The following CTXN1 variants were observed in gnomAD, a reference collection of about 807,000 sequenced individuals.
CTXN1 encodes cortexin-1.
A neutral mutation model predicts 5.5 loss-of-function variants in CTXN1; 4 were observed. The ratio of observed to expected loss-of-function variants is 0.73; its 90% CI spans 0.36 to 1.68. The LOEUF (loss-of-function observed/expected upper bound fraction) is 1.68. Among genes scored for constraint, CTXN1 ranks in the 40% most tolerant of loss-of-function variants. The probability of loss-of-function intolerance (pLI) is 0.05; values close to 1 mark genes in which losing one functional copy is unlikely to be tolerated. For missense variants in CTXN1, 111 were observed against 123.0 expected (o/e 0.90, Z 0.46); for synonymous variants, 67 against 62.8 (o/e 1.07, Z -0.32).
chr19:7,925,158 C>T lies in CTXN1; in HGVS notation c.*132G>A. ...GGGGGAGGGGCTGGGCTTCTCCCAA[C>T]TCCCTCCCCCTCTCCCCCGGGCTGG... On this transcript the variant is annotated 3_prime_UTR_variant, in exon 2 of 2. Transcript: ENST00000318978. This position sits in a 1 kb window ranked among gnomAD's most constrained non-coding sequence, Gnocchi z 5.0. The T allele has an allele frequency of 1.6e-6, 1 of 639,674 alleles. No individual in the cohort carries two copies. Among genetic ancestry groups the T allele is most frequent in the Non-Finnish European group, 2.2e-6 (1 of 446,974 alleles). The allele number at this position is 639,674 out of a possible 1,614,324, so 39.6% of individuals were successfully genotyped here. A position where few individuals can be genotyped will look rare whatever the true frequency, so the allele number is the denominator to read the frequency against.
rs1983725553 is a variant in CTXN1 at position 7,924,853 on chromosome 19, AGGAC to A, written c.*433_*436del. 6.5e-6 allele frequency: 1 copy of A among 154,422 alleles called. No homozygotes were observed. The highest frequency in any genetic ancestry group is 6.5e-5 in the Admixed American group (1 of 15,358). The allele number at this position is 154,422 out of a possible 1,614,324, so 9.6% of individuals were successfully genotyped here. On this transcript the variant is annotated 3_prime_UTR_variant, in exon 2 of 2. Coordinates refer to ENST00000318978, the MANE Select transcript of CTXN1 (RefSeq NM_206833.4). ...CCTGCCCCGCAGGGACCAGAGCCCA[AGGAC>A]GGGCTCAACACTCAGTCAAGGTGGG...
rs1983764547 is a variant in CTXN1, at chr19:7,925,724, C to T, written c.-20-166G>A. Among the ~76,000 whole-genome samples the T allele has an allele frequency of 6.6e-6, 1 of 151,490 alleles. No homozygotes were observed. Among genetic ancestry groups the T allele is most frequent in the African/African-American group, 2.4e-5 (1 of 41,360 alleles). On this transcript the variant is annotated intron_variant, in intron 1 of 1. Coordinates refer to ENST00000318978, the MANE Select transcript of CTXN1 (RefSeq NM_206833.4). This position sits in a 1 kb window ranked among gnomAD's most constrained non-coding sequence, Gnocchi z 5.0. ...GTCCCCGGGCTACGCCCATGCCCGG[C>T]CCGCCGGATCGCCGCCACCACCACG...
rs910368284 is a variant in CTXN1, at chr19:7,925,745, C to T, written c.-20-187G>A. On this transcript the variant is annotated intron_variant, in intron 1 of 1. Transcript: ENST00000318978. This position sits in a 1 kb window ranked among gnomAD's most constrained non-coding sequence, Gnocchi z 5.0. Reference sequence around the variant, plus strand: ...CCGGCCCGCCGGATCGCCGCCACCACCACGCGGGGACCCAACTCTGGCCGT... The same window carrying T: ...CCGGCCCGCCGGATCGCCGCCACCATCACGCGGGGACCCAACTCTGGCCGT... Among the ~76,000 whole-genome samples the T allele has an allele frequency of 1.3e-5, 2 of 151,582 alleles. No homozygotes were observed. Among genetic ancestry groups the T allele is most frequent in the African/African-American group, 2.4e-5 (1 of 41,384 alleles).
chr19:7,924,932 C>T lies in CTXN1; in HGVS notation c.*358G>A, dbSNP rs972221471. The stretch of plus-strand genomic sequence containing the variant: ...GAGGGAGGAGGGACAAGGGGGTCCC[C>T]ACTTCCAGGGACGCACAATAGCAGA... On this transcript the variant is annotated 3_prime_UTR_variant, in exon 2 of 2. Coordinates refer to ENST00000318978, the MANE Select transcript of CTXN1 (RefSeq NM_206833.4). 13 of 177,812 alleles carry T rather than the reference C, an allele frequency of 7.3e-5. No individual in the cohort carries two copies. The Admixed American group carries it at 7.6e-4, about 10-fold the overall frequency. 11.0% of individuals were successfully genotyped at this position (177,812 alleles called of 1,614,324 possible). A position where few individuals can be genotyped will look rare whatever the true frequency, so the allele number is the denominator to read the frequency against.
chr19:7,925,996 G>A lies in CTXN1; in HGVS notation c.-50C>T, dbSNP rs570208991. 7.8e-4 allele frequency: 117 copies of A among 150,026 alleles called. 1 individual carries two copies. Among genetic ancestry groups the A allele is most frequent in the Middle Eastern group, 3.4e-3 (1 of 292 alleles). 9.3% of individuals were successfully genotyped at this position (150,026 alleles called of 1,614,324 possible). ...GCTTCGACCCGGACGGGGACCGACC[G>A]CCCGGCGGCCGCGCTCTCTCAGGGA... On this transcript the variant is annotated 5_prime_UTR_variant, in exon 1 of 2. Transcript: ENST00000318978. The surrounding 1 kb of genome is among the most constrained non-coding windows in gnomAD (Gnocchi z 5.0).
chr19:7,925,256 C>A lies in CTXN1; in HGVS notation c.*34G>T. On this transcript the variant is annotated 3_prime_UTR_variant, in exon 2 of 2. Transcript: ENST00000318978. This position sits in a 1 kb window ranked among gnomAD's most constrained non-coding sequence, Gnocchi z 5.0. The stretch of plus-strand genomic sequence containing the variant: ...CCCGCCGGGCCGGCCCTCTGAGACC[C>A]CGGCGCAGGGCCGGCTAGGGGGCGC... The A allele has an allele frequency of 7.8e-7, 1 of 1,287,700 alleles. No individual in the cohort carries two copies. Among genetic ancestry groups the A allele is most frequent in the Admixed American group, 4.0e-5 (1 of 25,048 alleles). The allele number at this position is 1,287,700 out of a possible 1,614,324, so 79.8% of individuals were successfully genotyped here.
In CTXN1 at chr19:7,924,949, A is replaced by G. The variant is rs1320375502; in HGVS notation, c.*341T>C. On this transcript the variant is annotated 3_prime_UTR_variant, in exon 2 of 2. Coordinates refer to ENST00000318978, the MANE Select transcript of CTXN1 (RefSeq NM_206833.4). ...GGGGTCCCCACTTCCAGGGACGCAC[A>G]ATAGCAGAGCCACTTACACGCTGGG... The G allele has an allele frequency of 1.0e-5, 2 of 194,152 alleles. No homozygotes were observed. Among genetic ancestry groups the G allele is most frequent in the African/African-American group, 2.3e-5 (1 of 43,058 alleles). The allele number at this position is 194,152 out of a possible 1,614,324, so 12.0% of individuals were successfully genotyped here. A position where few individuals can be genotyped will look rare whatever the true frequency, so the allele number is the denominator to read the frequency against.
Position 7,925,122 on chromosome 19 carries a change from A to C in CTXN1, c.*168T>G, listed in dbSNP as rs1287558877. 7 of 423,876 alleles carry C rather than the reference A, an allele frequency of 1.7e-5. No individual in the cohort carries two copies. The highest frequency in any genetic ancestry group is 2.8e-5 in the Non-Finnish European group (7 of 254,084). The allele number at this position is 423,876 out of a possible 1,614,324, so 26.3% of individuals were successfully genotyped here. On this transcript the variant is annotated 3_prime_UTR_variant, in exon 2 of 2. Coordinates refer to ENST00000318978, the MANE Select transcript of CTXN1 (RefSeq NM_206833.4). The surrounding 1 kb of genome is among the most constrained non-coding windows in gnomAD (Gnocchi z 5.0). Reference sequence around the variant, plus strand: ...CGGCCAGGCCAGGAAGGGACATGGGAGGGGTCTCGAGGGGGAGGGGCTGGG... The same window carrying C: ...CGGCCAGGCCAGGAAGGGACATGGGCGGGGTCTCGAGGGGGAGGGGCTGGG...
chr19:7,925,225 G>A lies in CTXN1; in HGVS notation c.*65C>T. 3.3e-6 allele frequency: 4 copies of A among 1,214,120 alleles called. No individual in the cohort carries two copies. Among genetic ancestry groups the A allele is most frequent in the Admixed American group, 4.3e-5 (1 of 23,364 alleles). The allele number at this position is 1,214,120 out of a possible 1,614,324, so 75.2% of individuals were successfully genotyped here. On this transcript the variant is annotated 3_prime_UTR_variant, in exon 2 of 2. Transcript: ENST00000318978. This position sits in a 1 kb window ranked among gnomAD's most constrained non-coding sequence, Gnocchi z 5.0. ...TCCTGAGCGCAGTCCTGGCCCCGCG[G>A]CGCCCCCCGCCGGGCCGGCCCTCTG...
In CTXN1 at chr19:7,925,478, C is replaced by T; in HGVS notation, c.61G>A (p.Gly21Ser). ...CGCTGCTCCGCGTCCAGGCCCGCGC[C>T]CACCGGGGGCCCCGTCGACGGCGGC... ...PLPPSTGPPV[G>S]AGLDAEQRTV... is the part of the protein sequence containing the mutation. The change falls in exon 2 of 2, where the codon GGC (glycine) becomes AGC (serine). Residue 21 changes from glycine to serine, a missense_variant. Physicochemically the swap from Gly to Ser is moderately conservative, Grantham distance 56. Coordinates refer to ENST00000318978, the MANE Select transcript of CTXN1 (RefSeq NM_206833.4). The surrounding 1 kb of genome is among the most constrained non-coding windows in gnomAD (Gnocchi z 5.0). 1 of 1,555,826 alleles carries T rather than the reference C, an allele frequency of 6.4e-7. No homozygotes were observed. The highest frequency in any genetic ancestry group is 8.6e-7 in the Non-Finnish European group (1 of 1,158,764).
Position 7,924,885 on chromosome 19 carries a change from T to TGAC in CTXN1, c.*402_*404dup, listed in dbSNP as rs1983726650. 6.3e-6 allele frequency: 1 copy of TGAC among 157,732 alleles called. No individual in the cohort carries two copies. Among genetic ancestry groups the TGAC allele is most frequent in the Non-Finnish European group, 1.4e-5 (1 of 72,024 alleles). The allele number at this position is 157,732 out of a possible 1,614,324, so 9.8% of individuals were successfully genotyped here. A position where few individuals can be genotyped will look rare whatever the true frequency, so the allele number is the denominator to read the frequency against. ...GCTCAACACTCAGTCAAGGTGGGGT[T>TGAC]GACGACGGCCAGACAACAGGGGAGG... On this transcript the variant is annotated 3_prime_UTR_variant, in exon 2 of 2. Transcript: ENST00000318978.
In CTXN1 at chr19:7,925,233, C is replaced by T; in HGVS notation, c.*57G>A. 1.6e-6 allele frequency: 2 copies of T among 1,245,298 alleles called. No homozygotes were observed. Among genetic ancestry groups the T allele is most frequent in the Non-Finnish European group, 1.0e-6 (1 of 993,282 alleles). The allele number at this position is 1,245,298 out of a possible 1,614,324, so 77.1% of individuals were successfully genotyped here. A position where few individuals can be genotyped will look rare whatever the true frequency, so the allele number is the denominator to read the frequency against. On this transcript the variant is annotated 3_prime_UTR_variant, in exon 2 of 2. Transcript: ENST00000318978. This position sits in a 1 kb window ranked among gnomAD's most constrained non-coding sequence, Gnocchi z 5.0. ...GCAGTCCTGGCCCCGCGGCGCCCCC[C>T]GCCGGGCCGGCCCTCTGAGACCCCG... is the stretch of plus-strand genomic sequence containing the variant.
Position 7,924,959 on chromosome 19 carries a change from C to CCACTTACA in CTXN1, c.*323_*330dup, listed in dbSNP as rs1263580625. 1 of 208,448 alleles carries CCACTTACA rather than the reference C, an allele frequency of 4.8e-6. No homozygotes were observed. The highest frequency in any genetic ancestry group is 9.5e-6 in the Non-Finnish European group (1 of 105,384). The allele number at this position is 208,448 out of a possible 1,614,324, so 12.9% of individuals were successfully genotyped here. On this transcript the variant is annotated 3_prime_UTR_variant, in exon 2 of 2. Coordinates refer to ENST00000318978, the MANE Select transcript of CTXN1 (RefSeq NM_206833.4). ...CTTCCAGGGACGCACAATAGCAGAG[C>CCACTTACA]CACTTACACGCTGGGGAGGGGGCGG...
In CTXN1 at chr19:7,925,778, G is replaced by A. The variant is rs1983766315; in HGVS notation, c.-21+189C>T. On this transcript the variant is annotated intron_variant, in intron 1 of 1. Coordinates refer to ENST00000318978, the MANE Select transcript of CTXN1 (RefSeq NM_206833.4). The surrounding 1 kb of genome is among the most constrained non-coding windows in gnomAD (Gnocchi z 5.0). ...GGACCCAACTCTGGCCGTGCGCGCA[G>A]GTGGGGGCGCTGAGAGCCGGGAAAC... Among the ~76,000 whole-genome samples, 1 of 151,494 alleles carries A rather than the reference G, an allele frequency of 6.6e-6. No individual in the cohort carries two copies. Among genetic ancestry groups the A allele is most frequent in the Non-Finnish European group, 1.5e-5 (1 of 67,786 alleles).
In CTXN1 at chr19:7,925,283, G is replaced by A. The variant is rs754674096; in HGVS notation, c.*7C>T. Reference sequence around the variant, plus strand: ...GGCGCAGGGCCGGCTAGGGGGCGCCGCGCCCCTCACACCAACGCGTAGTCG... The same window carrying A: ...GGCGCAGGGCCGGCTAGGGGGCGCCACGCCCCTCACACCAACGCGTAGTCG... On this transcript the variant is annotated 3_prime_UTR_variant, in exon 2 of 2. Transcript: ENST00000318978. The surrounding 1 kb of genome is among the most constrained non-coding windows in gnomAD (Gnocchi z 5.0). 1 of 1,361,810 alleles carries A rather than the reference G, an allele frequency of 7.3e-7. No individual in the cohort carries two copies. The allele number at this position is 1,361,810 out of a possible 1,614,324, so 84.4% of individuals were successfully genotyped here.
chr19:7,925,457 G>A lies in CTXN1; in HGVS notation c.82C>T (p.Gln28Ter). The A allele has an allele frequency of 1.9e-6, 3 of 1,574,312 alleles. No individual in the cohort carries two copies. Among genetic ancestry groups the A allele is most frequent in the Non-Finnish European group, 1.7e-6 (2 of 1,167,304 alleles). Residue 28 changes from glutamine (Q) to a stop codon, truncating the protein, a stop_gained, in exon 2 of 2, where the codon CAG (glutamine) becomes TAG (stop). Transcript: ENST00000318978. LOFTEE classifies it high-confidence loss of function. The surrounding 1 kb of genome is among the most constrained non-coding windows in gnomAD (Gnocchi z 5.0). ...AGCACGAAGGCGAACACCGTGCGCT[G>A]CTCCGCGTCCAGGCCCGCGCCCACC... ...PPVGAGLDAE[Q>*]RTVFAFVLCL...
In CTXN1 at chr19:7,924,971, TG is replaced by T; in HGVS notation, c.*318del. ...CACAATAGCAGAGCCACTTACACGC[TG>T]GGGAGGGGGCGGTGCGGGGGTCCTC... On this transcript the variant is annotated 3_prime_UTR_variant, in exon 2 of 2. Coordinates refer to ENST00000318978, the MANE Select transcript of CTXN1 (RefSeq NM_206833.4). 4.8e-6 allele frequency: 1 copy of T among 206,774 alleles called. No individual in the cohort carries two copies. The highest frequency in any genetic ancestry group is 9.2e-6 in the Non-Finnish European group (1 of 108,784). The allele number at this position is 206,774 out of a possible 1,614,324, so 12.8% of individuals were successfully genotyped here. A position where few individuals can be genotyped will look rare whatever the true frequency, so the allele number is the denominator to read the frequency against.
rs906714925 is a variant in CTXN1 at position 7,925,231 on chromosome 19, C to T, written c.*59G>A. ...GCGCAGTCCTGGCCCCGCGGCGCCC[C>T]CCGCCGGGCCGGCCCTCTGAGACCC... On this transcript the variant is annotated 3_prime_UTR_variant, in exon 2 of 2. Transcript: ENST00000318978. This position sits in a 1 kb window ranked among gnomAD's most constrained non-coding sequence, Gnocchi z 5.0. The T allele has an allele frequency of 5.7e-6, 7 of 1,238,460 alleles. No individual in the cohort carries two copies. Among genetic ancestry groups the T allele is most frequent in the Non-Finnish European group, 7.1e-6 (7 of 987,560 alleles). 76.7% of individuals were successfully genotyped at this position (1,238,460 alleles called of 1,614,324 possible).
Position 7,925,361 on chromosome 19 carries a change from T to G in CTXN1, c.178A>C (p.Met60Leu). 1 of 1,577,978 alleles carries G rather than the reference T, an allele frequency of 6.3e-7. No homozygotes were observed. The highest frequency in any genetic ancestry group is 1.8e-5 in the Admixed American group (1 of 56,998). Residue 60 changes from methionine to leucine, a missense_variant, in exon 2 of 2, where the codon ATG becomes CTG. Met to Leu is a conservative substitution (Grantham distance 15). Coordinates refer to ENST00000318978, the MANE Select transcript of CTXN1 (RefSeq NM_206833.4). The surrounding 1 kb of genome is among the most constrained non-coding windows in gnomAD (Gnocchi z 5.0). ...TGGTCGGTCCAGGACGAGGCGGGCA[T>G]GCGGCTGTAGGGGTCGAGCAGGATG... The part of the protein sequence containing the change: ...VRILLDPYSR[M>L]PASSWTDHKE...
Sources: allele counts gnomAD v4.1 joint callset (sites outside exome capture counted in the v4.1 genomes callset), GRCh38; gene constraint gnomAD v4.1.1; non-coding constraint Gnocchi (gnomAD v3.1); transcripts MANE v1.5; gene names NCBI Gene and HGNC (gene_info 2026-07-23, HGNC 2026-07-21).